Variants in SPAG9 observed in about 807,000 individuals in gnomAD.
SPAG9 encodes the protein C-Jun-amino-terminal kinase-interacting protein 4.
SPAG9 carries 35 observed loss-of-function variants against 166.5 expected under a neutral mutation model. The observed-to-expected ratio is 0.21, with a 90% CI of 0.16 to 0.28. The LOEUF is 0.28. SPAG9 is among the 10% of genes least tolerant of loss of function. The pLI is 1.00. For synonymous variants in SPAG9, 534 were observed against 565.5 expected (o/e 0.94, Z 0.79); for missense variants, 1,235 against 1,603.3 (o/e 0.77, Z 3.92).
At chr17:51,036,540 C>T (rs1478699507) in intron 5 of SPAG9, among the ~76,000 whole-genome samples, 1 of 152,044 alleles carries the variant, frequency 6.6e-6, no homozygotes, top group Non-Finnish European at 1.5e-5. Context: ...TTCTCCACTC[C>T]AGCCCCCTCT....
At chr17:51,025,862 T>C (rs1294567958) in intron 6 of SPAG9, among the ~76,000 whole-genome samples, 1 of 152,158 alleles carries the variant, frequency 6.6e-6, no homozygotes. Flanking sequence ...CATGTTATCA[T>C]GTACATGAAT....
intron 2 of SPAG9, among the ~76,000 whole-genome samples, chr17:51,066,858 C>T (rs563724326): frequency 1.3e-4 from 20 of 151,970 alleles, no homozygotes; most frequent in Middle Eastern, 3.4e-3. Flanking sequence ...CACCACTGCG[C>T]TCTAGCCTGG....
intron 3 of SPAG9, among the ~76,000 whole-genome samples, chr17:51,055,534 GA>G (rs1364578407): frequency 6.6e-6 from 1 of 150,952 alleles, no homozygotes; most frequent in Non-Finnish European, 1.5e-5. Flanking sequence ...CTCTTCTAAA[GA>G]AAAACAACAA....
chr17:50,997,673 G>T (rs1422208825), intron 15 of SPAG9, among the ~76,000 whole-genome samples: 1 of 151,830 alleles, frequency 6.6e-6, no homozygotes, highest in Admixed American at 6.6e-5. Flanking sequence ...TGTATAATTG[G>T]GTCCAATCAC....
At chr17:51,006,894 T>C (rs1221722661) in intron 10 of SPAG9, among the ~76,000 whole-genome samples, 1 of 152,014 alleles carries the variant, frequency 6.6e-6, no homozygotes, top group Non-Finnish European at 1.5e-5. Flanking sequence ...CATGAAAATA[T>C]TTGTGTGGAA....
chr17:51,029,734 A>G lies in SPAG9; in HGVS notation c.783+1947T>C, dbSNP rs538534310. ...TGTGACATCAAATTCATAGAAACAT[A>G]AAGTAAAATGGTAGTTTCCGGGGCT... On this transcript the variant is annotated intron_variant, in intron 6 of 29. Coordinates refer to ENST00000262013, the MANE Select transcript of SPAG9 (RefSeq NM_001130528.3). 2.2e-4 allele frequency among the ~76,000 whole-genome samples: 33 copies of G among 152,314 alleles called. No individual in the cohort carries two copies. The South Asian group carries it at 6.8e-3, about 32-fold the overall frequency.
chr17:50,978,283 T>C (rs1276963201), intron 26 of SPAG9, among the ~76,000 whole-genome samples: 1 of 152,194 alleles, frequency 6.6e-6, no homozygotes. Flanking sequence ...CTAGGAACCT[T>C]TAACCTCCAG....
At position 50,971,459 on chromosome 17, in the gene SPAG9, CTTTTTTT is replaced by C. The variant is rs71353691; in HGVS notation, c.3701-610_3701-604del. On this transcript the variant is annotated intron_variant, in intron 28 of 29. Coordinates refer to ENST00000262013, the MANE Select transcript of SPAG9 (RefSeq NM_001130528.3). ...GTCTTAGCTGCCTGCTTCAAACTAC[CTTTTTTT>C]TTTTTTTTTTTTTTTTTTTGAGATG... Among the ~76,000 whole-genome samples the C allele has an allele frequency of 6.5e-3, 586 of 89,880 alleles. 3 individuals carry two copies. Among genetic ancestry groups the C allele is most frequent in the African/African-American group, 0.025 (553 of 21,814 alleles). The allele number at this position is 89,880 out of a possible 152,430, so 59.0% of individuals were successfully genotyped here. A position where few individuals can be genotyped will look rare whatever the true frequency, so the allele number is the denominator to read the frequency against.
intron 1 of SPAG9, among the ~76,000 whole-genome samples, chr17:51,089,620 T>TATATATA (rs2048398411): frequency 7.4e-5 from 3 of 40,478 alleles, no homozygotes; most frequent in East Asian, 9.4e-4. Context: ...ACACTTTATT[T>TATATATA]TATATATATA....
intron 22 of SPAG9, among the ~76,000 whole-genome samples, chr17:50,986,038 A>G (rs1312782930): frequency 6.6e-6 from 1 of 152,252 alleles, no homozygotes; most frequent in Non-Finnish European, 1.5e-5. Flanking sequence ...AGTCAGGTTC[A>G]CACACTTAGT....
intron 2 of SPAG9, among the ~76,000 whole-genome samples, chr17:51,064,205 A>T (rs118180313): frequency 1.3e-5 from 2 of 152,336 alleles, no homozygotes; most frequent in East Asian, 3.9e-4. Context: ...CTGATAGCTA[A>T]TTATACAAAT....
chr17:51,069,549 G>T (rs551287997), intron 2 of SPAG9, among the ~76,000 whole-genome samples: 9 of 152,106 alleles, frequency 5.9e-5, no homozygotes, highest in Admixed American at 2.0e-4. Context: ...ATCACCTTGT[G>T]TTGAAGGTCT....
chr17:51,016,808 G>A (rs1350231101), intron 8 of SPAG9, among the ~76,000 whole-genome samples: 1 of 152,200 alleles, frequency 6.6e-6, no homozygotes, highest in Non-Finnish European at 1.5e-5. Context: ...TGCTGAGGCA[G>A]GAGAATTGCT....
chr17:51,008,989 T>C, intron 9 of SPAG9: 4 of 333,004 alleles, frequency 1.2e-5, no homozygotes, highest in South Asian at 1.0e-4. Flanking sequence ...AGCAGTTAGA[T>C]AAGCGTGGAA....
intron 12 of SPAG9, 85 bp downstream of exon 12, chr17:51,005,127 T>TATA (rs1340018513): frequency 1.8e-6 from 2 of 1,122,548 alleles, no homozygotes; most frequent in African/African-American, 3.1e-5. Context: ...TTTATAGTAT[T>TATA]ATATCCAAAG....
At chr17:51,092,669 T>C (rs1157023365) in intron 1 of SPAG9, among the ~76,000 whole-genome samples, 15 of 151,292 alleles carry the variant, frequency 9.9e-5, no homozygotes, top group Non-Finnish European at 5.9e-5. Context: ...ATCTCAGTGC[T>C]TTGGGAGGCA....
chr17:50,989,635 G>A, intron 21 of SPAG9, 42 bp downstream of exon 21: 2 of 1,508,992 alleles, frequency 1.3e-6, no homozygotes, highest in African/African-American at 1.4e-5. Context: ...TTTTATTTGT[G>A]CACTTCACCC....
In SPAG9 at chr17:51,120,701, G is replaced by A; in HGVS notation, c.-45C>T. The A allele has an allele frequency of 6.6e-7, 1 of 1,507,160 alleles. No individual in the cohort carries two copies. The highest frequency in any genetic ancestry group is 8.9e-7 in the Non-Finnish European group (1 of 1,123,410). The allele number at this position is 1,507,160 out of a possible 1,614,324, so 93.4% of individuals were successfully genotyped here. A position where few individuals can be genotyped will look rare whatever the true frequency, so the allele number is the denominator to read the frequency against. ...GGCGGCCCGGGGCGTCGCCGGCAGA[G>A]GGGCGGCACCTGCCCGCACGGGACG... On this transcript the variant is annotated 5_prime_UTR_variant, in exon 1 of 30. Coordinates refer to ENST00000262013, the MANE Select transcript of SPAG9 (RefSeq NM_001130528.3). The surrounding 1 kb of genome is among the most constrained non-coding windows in gnomAD (Gnocchi z 4.7).
chr17:50,990,057 TTGCTC>T lies in SPAG9; in HGVS notation c.2618-190_2618-186del, dbSNP rs1975401892. ...TTTTTTTTTTTTTTGAGACAGAGTC[TTGCTC>T]TGTTGCCCAGGCTGGAGTGCGGCGG... is the stretch of plus-strand genomic sequence containing the variant. On this transcript the variant is annotated intron_variant, in intron 20 of 29. Coordinates refer to ENST00000262013, the MANE Select transcript of SPAG9 (RefSeq NM_001130528.3). 8.1e-5 allele frequency: 50 copies of T among 621,082 alleles called. No homozygotes were observed. The South Asian group carries it at 9.7e-4, about 12-fold the overall frequency. 38.5% of individuals were successfully genotyped at this position (621,082 alleles called of 1,614,324 possible).
Sources: allele counts gnomAD v4.1 joint callset (sites outside exome capture counted in the v4.1 genomes callset), GRCh38; gene constraint gnomAD v4.1.1; non-coding constraint Gnocchi (gnomAD v3.1); transcripts MANE v1.5; gene names NCBI Gene and HGNC (gene_info 2026-07-23, HGNC 2026-07-21).